Variants in OTUD7A observed in about 807,000 individuals in gnomAD.
The protein encoded by OTUD7A is OTU domain-containing protein 7A.
A neutral mutation model predicts 65.7 loss-of-function variants in OTUD7A; 12 were observed. The ratio of observed to expected loss-of-function variants is 0.18; its 90% confidence interval spans 0.12 to 0.30. The LOEUF (loss-of-function observed/expected upper bound fraction) is 0.30, where lower values mean the gene tolerates loss of function less well. OTUD7A is among the 10% of genes least tolerant of loss of function. The pLI, the probability that OTUD7A is intolerant of heterozygous loss-of-function variation, is 1.00. For missense variants in OTUD7A, 1,148 were observed against 1,304.8 expected (o/e 0.88, Z 1.85); for synonymous variants, 641 against 586.3 (o/e 1.09, Z -1.35).
rs114096950 is a variant in OTUD7A at position 31,844,896 on chromosome 15, T to C, written c.-100+25611A>G. Among the ~76,000 whole-genome samples, 1,034 of 152,298 alleles carry C rather than the reference T, an allele frequency of 6.8e-3. 14 individuals are homozygous for C. Among genetic ancestry groups the C allele is most frequent in the African/African-American group, 0.024 (997 of 41,562 alleles). Reference sequence around the variant, plus strand: ...GCCCTGCTTACTGCCTCGGGGACCATTCCCAGGACTTGGTGTCCCCATCTG... The same window carrying C: ...GCCCTGCTTACTGCCTCGGGGACCACTCCCAGGACTTGGTGTCCCCATCTG... On this transcript the variant is annotated intron_variant, in intron 1 of 12. Coordinates refer to ENST00000307050, the MANE Select transcript of OTUD7A (RefSeq NM_001382637.1).
At chr15:31,509,809 A>G (rs555878149) in intron 8 of OTUD7A, among the ~76,000 whole-genome samples, 13 of 151,846 alleles carry the variant, frequency 8.6e-5, no homozygotes, top group Middle Eastern at 3.4e-3. Flanking sequence ...TTTATAGACA[A>G]TTTTTAACAT....
intron 1 of OTUD7A, among the ~76,000 whole-genome samples, chr15:31,662,838 T>C (rs1892203013): frequency 6.6e-6 from 1 of 152,222 alleles, no homozygotes; most frequent in African/African-American, 2.4e-5. Flanking sequence ...ATGAACCTCC[T>C]TCCCACACCA....
At chr15:31,741,581 A>G (rs1051577125) in intron 1 of OTUD7A, among the ~76,000 whole-genome samples, 5 of 152,194 alleles carry the variant, frequency 3.3e-5, no homozygotes, top group African/African-American at 1.2e-4. Context: ...TAAAAATACA[A>G]TAACCCAACA....
intron 1 of OTUD7A, among the ~76,000 whole-genome samples, chr15:31,852,383 A>C (rs1324352855): frequency 6.6e-6 from 1 of 152,234 alleles, no homozygotes; most frequent in Non-Finnish European, 1.5e-5. Context: ...TGGCCTTTGA[A>C]ACTAAGTTTT....
At chr15:31,679,073 G>A (rs1892655733) in intron 1 of OTUD7A, among the ~76,000 whole-genome samples, 1 of 152,164 alleles carries the variant, frequency 6.6e-6, no homozygotes, top group Admixed American at 6.5e-5. Flanking sequence ...AGATCATTTT[G>A]GAACTTTAAG....
intron 3 of OTUD7A, among the ~76,000 whole-genome samples, chr15:31,646,940 G>C (rs1891691624): frequency 6.6e-6 from 1 of 152,190 alleles, no homozygotes; most frequent in South Asian, 2.1e-4. Flanking sequence ...CTGTTTAAGA[G>C]TATTTAAATA....
intron 1 of OTUD7A, among the ~76,000 whole-genome samples, chr15:31,720,666 C>A (rs1156922991): frequency 6.6e-6 from 1 of 152,190 alleles, no homozygotes; most frequent in Non-Finnish European, 1.5e-5. Flanking sequence ...TCCCAAAATG[C>A]TGGGATTACA....
At chr15:31,621,233 T>C (rs1404213738) in intron 3 of OTUD7A, among the ~76,000 whole-genome samples, 2 of 152,136 alleles carry the variant, frequency 1.3e-5, no homozygotes, top group African/African-American at 4.8e-5. Context: ...CTGAGAAGAA[T>C]GTATATTCTG....
At chr15:31,506,960 C>T (rs1400525119) in intron 8 of OTUD7A, among the ~76,000 whole-genome samples, 2 of 152,132 alleles carry the variant, frequency 1.3e-5, no homozygotes. Flanking sequence ...CTCTGGAGTA[C>T]CATGTGTACA....
intron 1 of OTUD7A, among the ~76,000 whole-genome samples, chr15:31,756,652 AC>A (rs1894822913): frequency 6.7e-6 from 1 of 150,268 alleles, no homozygotes; most frequent in Non-Finnish European, 1.5e-5. Flanking sequence ...ACACACACAC[AC>A]ACACACACAC....
At chr15:31,562,802 C>T (rs1335561515) in intron 4 of OTUD7A, among the ~76,000 whole-genome samples, 1 of 152,174 alleles carries the variant, frequency 6.6e-6, no homozygotes, top group East Asian at 1.9e-4. Context: ...CCGTCGAAGA[C>T]AGTACATACA....
Position 31,802,741 on chromosome 15 carries a change from T to C in OTUD7A, c.-100+67766A>G, listed in dbSNP as rs114872346. 6.8e-3 allele frequency among the ~76,000 whole-genome samples: 1,034 copies of C among 152,324 alleles called. 15 individuals are homozygous for C. The highest frequency in any genetic ancestry group is 0.024 in the African/African-American group (997 of 41,576). On this transcript the variant is annotated intron_variant, in intron 1 of 12. Transcript: ENST00000307050. ...TCTTTTTTAATAGACCGGCTTATTT[T>C]ATAGAAAATAATTAAATAAAGTCAT...
intron 1 of OTUD7A, among the ~76,000 whole-genome samples, chr15:31,783,379 CA>C (rs1895590897): frequency 6.6e-6 from 1 of 152,180 alleles, no homozygotes; most frequent in Non-Finnish European, 1.5e-5. Context: ...ATTCAATGAT[CA>C]TTCTAAGGAG....
In OTUD7A at chr15:31,527,494, AG is replaced by A. The variant is rs141396357; in HGVS notation, c.653-187del. Among the ~76,000 whole-genome samples the A allele has an allele frequency of 3.2e-3, 487 of 152,362 alleles. 4 individuals are homozygous for A. The highest frequency in any genetic ancestry group is 0.011 in the African/African-American group (452 of 41,584). The stretch of plus-strand genomic sequence containing the variant: ...CCTGAGGCTTCCCATTAAGGCAACT[AG>A]GTGAATGAAGCAGCACATCCTGTTC... On this transcript the variant is annotated intron_variant, in intron 6 of 12. Transcript: ENST00000307050.
chr15:31,717,075 G>A (rs1893608386), intron 1 of OTUD7A, among the ~76,000 whole-genome samples: 1 of 152,020 alleles, frequency 6.6e-6, no homozygotes, highest in Non-Finnish European at 1.5e-5. Flanking sequence ...CCACATACAA[G>A]TCTGTTCTAC....
At chr15:31,532,933 CAAA>C (rs35993038) in intron 5 of OTUD7A, among the ~76,000 whole-genome samples, 40 of 56,470 alleles carry the variant, frequency 7.1e-4, no homozygotes, top group African/African-American at 1.6e-3. Flanking sequence ...GACTCCGTAT[CAAA>C]AAAAAAAAAA....
At chr15:31,573,349 A>G (rs191216986) in intron 3 of OTUD7A, among the ~76,000 whole-genome samples, 18 of 152,358 alleles carry the variant, frequency 1.2e-4, no homozygotes, top group African/African-American at 3.6e-4. Flanking sequence ...ACACTTTTTG[A>G]GAAAATTAAT....
At chr15:31,851,568 T>C (rs1029694722) in intron 1 of OTUD7A, among the ~76,000 whole-genome samples, 1 of 152,238 alleles carries the variant, frequency 6.6e-6, no homozygotes, top group Non-Finnish European at 1.5e-5. Flanking sequence ...CCCCAGGATG[T>C]AGTGTTTTCC....
intron 1 of OTUD7A, among the ~76,000 whole-genome samples, chr15:31,744,185 T>A (rs1894415474): frequency 6.6e-6 from 1 of 152,160 alleles, no homozygotes; most frequent in Admixed American, 6.6e-5. Flanking sequence ...TTCTATCAAA[T>A]ATTTAAGGAA....
Sources: gnomAD v4.1 joint callset for allele counts (sites outside exome capture counted in the v4.1 genomes callset) on GRCh38, gnomAD v4.1.1 for gene constraint, MANE v1.5 for transcripts, NCBI Gene and HGNC (gene_info 2026-07-23, HGNC 2026-07-21) for gene names.